ZNF804A: variants seen among roughly 807,000 people sequenced by gnomAD.
ZNF804A encodes zinc finger protein 804A.
ZNF804A carries 2 observed loss-of-function variants against 16.5 expected under a neutral mutation model. The ratio of observed to expected loss-of-function variants is 0.12; its 90% confidence interval spans 0.05 to 0.38. ZNF804A has a LOEUF of 0.38. Ranked by LOEUF, ZNF804A falls within the 10% of genes least tolerant of loss-of-function variation. ZNF804A has a pLI of 0.99. For missense variants in ZNF804A, 1,473 were observed against 1,390.7 expected (o/e 1.06, Z -0.94); for synonymous variants, 534 against 489.6 (o/e 1.09, Z -1.20).
intron 2 of ZNF804A, among the ~76,000 whole-genome samples, chr2:184,917,432 A>G (rs1685466521): frequency 6.6e-6 from 1 of 151,986 alleles, no homozygotes; most frequent in Admixed American, 6.6e-5. Flanking sequence ...ATATTATGTC[A>G]TATCATAAAA....
intron 1 of ZNF804A, among the ~76,000 whole-genome samples, chr2:184,832,458 T>A (rs2105796270): frequency 6.6e-6 from 1 of 152,154 alleles, no homozygotes; most frequent in Non-Finnish European, 1.5e-5. Context: ...TTATTTGCAA[T>A]GAAATCGGTT....
At chr2:184,786,915 ATTAT>A (rs1014658601) in intron 1 of ZNF804A, among the ~76,000 whole-genome samples, 5 of 151,962 alleles carry the variant, frequency 3.3e-5, no homozygotes, top group Admixed American at 2.6e-4. Flanking sequence ...AATTTCTGCT[ATTAT>A]TTAACTTTAA....
At chr2:184,815,109 G>A (rs1031410451) in intron 1 of ZNF804A, among the ~76,000 whole-genome samples, 1 of 151,964 alleles carries the variant, frequency 6.6e-6, no homozygotes. Context: ...GTGCTCTGAT[G>A]AGTGATTACC....
chr2:184,695,569 A>T (rs1692818872), intron 1 of ZNF804A, among the ~76,000 whole-genome samples: 1 of 148,260 alleles, frequency 6.7e-6, no homozygotes, highest in Non-Finnish European at 1.5e-5. Flanking sequence ...CATCGGCATG[A>T]TCATGTTCAG....
At chr2:184,764,654 T>C (rs1310500053) in intron 1 of ZNF804A, among the ~76,000 whole-genome samples, 1 of 152,176 alleles carries the variant, frequency 6.6e-6, no homozygotes, top group Non-Finnish European at 1.5e-5. Flanking sequence ...CAGGCACATC[T>C]TCATTGCCAG....
intron 1 of ZNF804A, among the ~76,000 whole-genome samples, chr2:184,861,513 C>G (rs529183043): frequency 6.6e-6 from 1 of 152,210 alleles, no homozygotes; most frequent in South Asian, 2.1e-4. Context: ...AAGCACAGTC[C>G]TAATGTCATG....
At chr2:184,797,841 G>A (rs1033146915) in intron 1 of ZNF804A, among the ~76,000 whole-genome samples, 3 of 151,996 alleles carry the variant, frequency 2.0e-5, no homozygotes, top group African/African-American at 2.4e-5. Flanking sequence ...CTGTTTTGAT[G>A]TGCTTCCAGG....
chr2:184,807,785 G>C (rs1694833110), intron 1 of ZNF804A, among the ~76,000 whole-genome samples: 1 of 151,602 alleles, frequency 6.6e-6, no homozygotes, highest in South Asian at 2.1e-4. Flanking sequence ...CAATACAGCA[G>C]TATAGACTAG....
At chr2:184,782,767 A>AT (rs369282860) in intron 1 of ZNF804A, among the ~76,000 whole-genome samples, 4,609 of 133,460 alleles carry the variant, frequency 0.035, 95 homozygotes, top group African/African-American at 0.063. Context: ...TCCAGTAAGG[A>AT]TTTTTTTTTT....
At chr2:184,822,057 A>T (rs1183698216) in intron 1 of ZNF804A, among the ~76,000 whole-genome samples, 1 of 152,174 alleles carries the variant, frequency 6.6e-6, no homozygotes, top group Non-Finnish European at 1.5e-5. Context: ...CAATTCCATT[A>T]CTTGTTGTAT....
At chr2:184,618,488 A>G (rs756174774) in intron 1 of ZNF804A, among the ~76,000 whole-genome samples, 2 of 152,118 alleles carry the variant, frequency 1.3e-5, no homozygotes, top group Non-Finnish European at 2.9e-5. Flanking sequence ...ATTTTGGTAA[A>G]ATTCAGGTGT....
intron 1 of ZNF804A, among the ~76,000 whole-genome samples, chr2:184,625,596 TA>T (rs1212391819): frequency 6.6e-6 from 1 of 152,172 alleles, no homozygotes; most frequent in Non-Finnish European, 1.5e-5. Context: ...AGGCACGATT[TA>T]AGATGAATAT....
At chr2:184,650,819 C>T (rs1449813451) in intron 1 of ZNF804A, among the ~76,000 whole-genome samples, 1 of 152,046 alleles carries the variant, frequency 6.6e-6, no homozygotes, top group Non-Finnish European at 1.5e-5. Flanking sequence ...AATGGAAAAA[C>T]ATTTTATGAT....
At position 184,884,784 on chromosome 2, in the gene ZNF804A, C is replaced by T. The variant is rs184004556; in HGVS notation, c.255+18272C>T. Among the ~76,000 whole-genome samples the T allele has an allele frequency of 1.3e-4, 20 of 152,196 alleles. No homozygotes were observed. The East Asian group carries it at 3.5e-3, about 26-fold the overall frequency. On this transcript the variant is annotated intron_variant, in intron 2 of 3. Transcript: ENST00000302277. ...AAATAAATATAATTCTGTACATAGG[C>T]CCTGGCAAAGTTTTCATGATAAAGA...
intron 1 of ZNF804A, among the ~76,000 whole-genome samples, chr2:184,845,352 T>G (rs72905749): frequency 0.05 from 7,673 of 152,218 alleles, 254 homozygotes; most frequent in Middle Eastern, 0.078. Flanking sequence ...AACATTAGCC[T>G]CTTAATGTCT....
rs371189456 is a variant in ZNF804A at position 184,800,864 on chromosome 2, T to C, written c.112-65505T>C. ...TTACTTTAATCAGTCAGTTATCAAT[T>C]AAGAATAAGAGAAAGAAAATATATC... On this transcript the variant is annotated intron_variant, in intron 1 of 3. Transcript: ENST00000302277. Among the ~76,000 whole-genome samples, 4 of 152,076 alleles carry C rather than the reference T, an allele frequency of 2.6e-5. No homozygotes were observed. In the South Asian group the frequency reaches 8.3e-4, roughly 31 times the overall value.
chr2:184,634,322 T>C (rs1340539012), intron 1 of ZNF804A, among the ~76,000 whole-genome samples: 1 of 152,208 alleles, frequency 6.6e-6, no homozygotes, highest in Non-Finnish European at 1.5e-5. Flanking sequence ...TTAACCTGTG[T>C]AGTAGGCAAT....
At chr2:184,856,319 T>C (rs1207718048) in intron 1 of ZNF804A, among the ~76,000 whole-genome samples, 1 of 151,982 alleles carries the variant, frequency 6.6e-6, no homozygotes, top group African/African-American at 2.4e-5. Context: ...CACTTTCTCT[T>C]CCCTCAACTG....
chr2:184,918,521 C>T (rs377706153), intron 2 of ZNF804A, among the ~76,000 whole-genome samples: 3 of 152,140 alleles, frequency 2.0e-5, no homozygotes, highest in African/African-American at 7.2e-5. Context: ...TAATTCAGAA[C>T]ATATACAGCT....
Sources: allele counts gnomAD v4.1 joint callset (sites outside exome capture counted in the v4.1 genomes callset), GRCh38; gene constraint gnomAD v4.1.1; transcripts MANE v1.5; gene names NCBI Gene and HGNC (gene_info 2026-07-23, HGNC 2026-07-21).